Variants in USP34 observed in about 807,000 individuals in gnomAD.
USP34 encodes the protein ubiquitin specific peptidase 34, also known as ubiquitin carboxyl-terminal hydrolase 34.
USP34 carries 70 observed loss-of-function variants against 460.3 expected under a neutral mutation model. The ratio of observed to expected loss-of-function variants is 0.15; its 90% CI spans 0.13 to 0.19. The LOEUF (loss-of-function observed/expected upper bound fraction) is 0.19. Among genes scored for constraint, USP34 ranks in the 10% least tolerant of loss-of-function variants. USP34 has a pLI of 1.00. For synonymous variants in USP34, 1,647 were observed against 1,405.3 expected, an observed-to-expected ratio of 1.17 and a Z score of -3.85; for missense variants, 3,985 against 4,236.2, an observed-to-expected ratio of 0.94 and a Z score of 1.65.
chr2:61,225,668 A>G (rs1687705438), intron 62 of USP34, among the ~76,000 whole-genome samples: 2 of 152,192 alleles, frequency 1.3e-5, no homozygotes, highest in South Asian at 2.1e-4. Flanking sequence ...TGAATTAGCA[A>G]ATACCAAATT....
At chr2:61,437,111 A>T (rs564055422) in intron 1 of USP34, among the ~76,000 whole-genome samples, 23 of 152,192 alleles carry the variant, frequency 1.5e-4, no homozygotes, top group Non-Finnish European at 3.1e-4. Context: ...GATTTCAAAC[A>T]ACCAATGATG....
chr2:61,444,713 T>C (rs1413686457), intron 1 of USP34, among the ~76,000 whole-genome samples: 1 of 152,136 alleles, frequency 6.6e-6, no homozygotes, highest in African/African-American at 2.4e-5. Context: ...GCTACCTGAA[T>C]GACATGCCTA....
intron 78 of USP34, chr2:61,189,618 G>A (rs17540400): frequency 0.076 from 11,655 of 152,366 alleles, 590 homozygotes; most frequent in Non-Finnish European, 0.11. Context: ...TTATGCCCAC[G>A]AACCAGTAAG....
At chr2:61,359,462 A>G (rs1236429767) in intron 10 of USP34, among the ~76,000 whole-genome samples, 1 of 152,250 alleles carries the variant, frequency 6.6e-6, no homozygotes, top group East Asian at 1.9e-4. Flanking sequence ...AATACTTAAA[A>G]GAAAAATCTT....
At chr2:61,289,684 A>AT (rs1342718914) in intron 33 of USP34, among the ~76,000 whole-genome samples, 1 of 152,164 alleles carries the variant, frequency 6.6e-6, no homozygotes, top group African/African-American at 2.4e-5. Context: ...CAGCAAGATA[A>AT]TTCAGAGAGA....
intron 29 of USP34, among the ~76,000 whole-genome samples, chr2:61,298,373 A>AAAC (rs1553366001): frequency 7.0e-5 from 10 of 142,184 alleles, no homozygotes; most frequent in Non-Finnish European, 1.5e-5. Context: ...ACAAAAAAAA[A>AAAC]AAAAAAAAAA....
chr2:61,234,461 A>T (rs1289466550), intron 57 of USP34, among the ~76,000 whole-genome samples: 1 of 152,146 alleles, frequency 6.6e-6, no homozygotes, highest in East Asian at 1.9e-4. Context: ...CCAGGCATAA[A>T]CTGATCTACT....
At chr2:61,411,209 A>C (rs1417651482) in intron 2 of USP34, among the ~76,000 whole-genome samples, 2 of 151,684 alleles carry the variant, frequency 1.3e-5, no homozygotes, top group African/African-American at 2.4e-5. Flanking sequence ...ACATAGTGAG[A>C]CCTCGTCTCA....
intron 35 of USP34, 85 bp from the exon 36 acceptor site, chr2:61,283,534 G>A: frequency 7.0e-7 from 1 of 1,421,262 alleles, no homozygotes; most frequent in Non-Finnish European, 9.6e-7. Flanking sequence ...ATCCTTTAAG[G>A]TTATCACTTC....
rs749524277 is a variant in USP34, at chr2:61,227,192, T to A, written c.7470A>T (p.Glu2490Asp). The A allele has an allele frequency of 6.2e-7, 1 of 1,613,334 alleles. No homozygotes were observed. The highest frequency in any genetic ancestry group is 8.5e-7 in the Non-Finnish European group (1 of 1,179,554). The stretch of plus-strand genomic sequence containing the variant: ...CTTCCTCCTCTTCTTCTTCCCCTTC[T>A]TCCTCTGATAACACTTCAACTTGAG... ...ENPQVEVLSEEEGEEEEEEED... is the reference protein window; with the variant it reads ...ENPQVEVLSEDEGEEEEEEED... Residue 2490 changes from glutamate (E) to aspartate (D), a missense_variant, in exon 62 of 80, where the codon GAA (glutamate) becomes GAT (aspartate). Physicochemically the swap from Glu to Asp is conservative, Grantham distance 45 (BLOSUM62 2). Around this residue, in one of 14 missense-constraint regions of USP34, gnomAD observed 604 missense variants for 684.8 expected, o/e 0.88. Coordinates refer to ENST00000398571, the MANE Select transcript of USP34 (RefSeq NM_014709.4).
chr2:61,304,601 A>G (rs1054542329), intron 27 of USP34, among the ~76,000 whole-genome samples: 5 of 152,208 alleles, frequency 3.3e-5, no homozygotes, highest in African/African-American at 1.2e-4. Flanking sequence ...TACCAAATGA[A>G]GACACAGCAA....
chr2:61,340,147 ATTAT>A lies in USP34; in HGVS notation c.2501-470_2501-467del, dbSNP rs751895245. On this transcript the variant is annotated intron_variant, in intron 16 of 79. Transcript: ENST00000398571. ...TGAATAAGACAACATATTTGAAATA[ATTAT>A]TTAAACAGACATACCTCTAAATGAC... Among the ~76,000 whole-genome samples, 16 of 152,314 alleles carry A rather than the reference ATTAT, an allele frequency of 1.1e-4. No individual in the cohort carries two copies. In the East Asian group the frequency reaches 1.7e-3, roughly 17 times the overall value.
At chr2:61,366,012 C>G (rs974506223) in intron 10 of USP34, among the ~76,000 whole-genome samples, 1 of 151,922 alleles carries the variant, frequency 6.6e-6, no homozygotes. Context: ...GGTACAATGG[C>G]GTGATCTCAG....
chr2:61,272,404 C>T (rs1393546844), intron 41 of USP34, among the ~76,000 whole-genome samples: 3 of 144,106 alleles, frequency 2.1e-5, no homozygotes, highest in African/African-American at 5.2e-5. Context: ...GAGGGAGACC[C>T]CATCTCAAAA....
intron 29 of USP34, among the ~76,000 whole-genome samples, chr2:61,300,145 T>G (rs985518498): frequency 6.6e-6 from 1 of 152,206 alleles, no homozygotes; most frequent in African/African-American, 2.4e-5. Context: ...ACTTATTAGG[T>G]ATAAAACAAA....
chr2:61,228,534 A>C lies in USP34; in HGVS notation c.7443+111T>G, dbSNP rs1687795813. 3 of 843,472 alleles carry C rather than the reference A, an allele frequency of 3.6e-6. No individual in the cohort carries two copies. In the South Asian group the frequency reaches 6.0e-5, roughly 17 times the overall value. The allele number at this position is 843,472 out of a possible 1,614,324, so 52.2% of individuals were successfully genotyped here. A position where few individuals can be genotyped will look rare whatever the true frequency, so the allele number is the denominator to read the frequency against. On this transcript the variant is annotated intron_variant, in intron 61 of 79. Transcript: ENST00000398571. Reference sequence around the variant, plus strand: ...TCTTAGACCCTTCATATTATCTAACACCAGGTTCCAGAAGGGACTTTAAAG... The same window carrying C: ...TCTTAGACCCTTCATATTATCTAACCCCAGGTTCCAGAAGGGACTTTAAAG...
intron 8 of USP34, among the ~76,000 whole-genome samples, chr2:61,373,923 G>A (rs561167602): frequency 6.6e-6 from 1 of 152,284 alleles, no homozygotes; most frequent in East Asian, 1.9e-4. Context: ...GGGAGGCCAA[G>A]ACGGGTGGAC....
At chr2:61,340,163 T>A (rs1691546084) in intron 16 of USP34, among the ~76,000 whole-genome samples, 1 of 152,100 alleles carries the variant, frequency 6.6e-6, no homozygotes, top group Admixed American at 6.6e-5. Context: ...TAAACAGACA[T>A]ACCTCTAAAT....
Position 61,380,369 on chromosome 2 carries a change from G to C in USP34, c.822-8C>G, listed in dbSNP as rs758911227. 1.3e-6 allele frequency: 2 copies of C among 1,590,564 alleles called. No homozygotes were observed. Among genetic ancestry groups the C allele is most frequent in the East Asian group, 2.2e-5 (1 of 44,570 alleles). ...GAGAGCTTGCATAAATACCTGAAAT[G>C]ATTCAGAAATAGAAAATACACAAAA... is the stretch of plus-strand genomic sequence containing the variant. On this transcript the variant is annotated splice_polypyrimidine_tract_variant and splice_region_variant and intron_variant, in intron 6 of 79. Coordinates refer to ENST00000398571, the MANE Select transcript of USP34 (RefSeq NM_014709.4).
Sources: allele counts gnomAD v4.1 joint callset (sites outside exome capture counted in the v4.1 genomes callset), GRCh38; gene constraint gnomAD v4.1.1; regional missense constraint gnomAD v4.1.1; transcripts MANE v1.5; gene names NCBI Gene and HGNC (gene_info 2026-07-23, HGNC 2026-07-21).